The following DST variants were observed in gnomAD, a reference collection of about 807,000 sequenced individuals.
The protein encoded by DST is dystonin, also known as bullous pemphigoid antigen.
A neutral mutation model predicts 875.2 loss-of-function variants in DST; 253 were observed. The observed-to-expected ratio is 0.29, with a 90% confidence interval of 0.26 to 0.32. DST has a LOEUF of 0.32. Among genes scored for constraint, DST ranks in the 10% least tolerant of loss-of-function variants. The pLI is 1.00. For synonymous variants in DST, 3,124 were observed against 3,197.1 expected (o/e 0.98, Z 0.77); for missense variants, 8,287 against 9,111.6 (o/e 0.91, Z 3.68).
chr6:56,798,671 A>G (rs1244995557), intron 4 of DST, among the ~76,000 whole-genome samples: 1 of 152,218 alleles, frequency 6.6e-6, no homozygotes, highest in Admixed American at 6.5e-5. Flanking sequence ...TAAGAAATAC[A>G]TTTTGTAAGG....
rs114157214 is a variant in DST at position 56,651,795 on chromosome 6, C to T, written c.1215-551G>A. On this transcript the variant is annotated intron_variant, in intron 10 of 103. Transcript: ENST00000680361. ...GTCTCTGTTTCCTGAACTCATACTTCCAGCCTGCACCCCACGATATGGCAC... is the reference window on the plus strand; with the variant it reads ...GTCTCTGTTTCCTGAACTCATACTTTCAGCCTGCACCCCACGATATGGCAC... Among the ~76,000 whole-genome samples the T allele has an allele frequency of 1.7e-3, 266 of 152,294 alleles. 1 individual carries two copies. The highest frequency in any genetic ancestry group is 6.3e-3 in the African/African-American group (260 of 41,562).
intron 3 of DST, among the ~76,000 whole-genome samples, chr6:56,874,520 T>C (rs1778804059): frequency 6.6e-6 from 1 of 152,232 alleles, no homozygotes; most frequent in African/African-American, 2.4e-5. Context: ...CTCACAAAAC[T>C]TGTCAAAAAT....
chr6:56,938,269 G>A (rs1814297075), intron 2 of DST, among the ~76,000 whole-genome samples: 1 of 151,842 alleles, frequency 6.6e-6, no homozygotes. Flanking sequence ...TGAGTAACTG[G>A]GACAACAGGT....
At chr6:56,697,418 T>C (rs185216049) in intron 9 of DST, among the ~76,000 whole-genome samples, 1 of 152,288 alleles carries the variant, frequency 6.6e-6, no homozygotes, top group East Asian at 1.9e-4. Context: ...AAAATTTAAT[T>C]GAGCAAAAAA....
intron 2 of DST, among the ~76,000 whole-genome samples, chr6:56,906,370 G>C (rs1330104099): frequency 6.6e-6 from 1 of 152,164 alleles, no homozygotes; most frequent in Non-Finnish European, 1.5e-5. Context: ...TGCAGACATA[G>C]ACAAGCAAGC....
intron 15 of DST, among the ~76,000 whole-genome samples, chr6:56,645,384 G>A (rs763274707): frequency 1.2e-4 from 19 of 152,202 alleles, no homozygotes; most frequent in South Asian, 4.1e-4. Flanking sequence ...TTGTAGAAGC[G>A]TGGCAGAAAG....
chr6:56,764,643 G>A (rs987301025), intron 4 of DST, among the ~76,000 whole-genome samples: 6 of 152,036 alleles, frequency 3.9e-5, no homozygotes, highest in Non-Finnish European at 7.4e-5. Flanking sequence ...TAAAAAAGAA[G>A]GAGTGGGAAG....
intron 4 of DST, among the ~76,000 whole-genome samples, chr6:56,783,771 T>C (rs535986278): frequency 1.2e-3 from 176 of 152,338 alleles, no homozygotes; most frequent in African/African-American, 4.0e-3. Flanking sequence ...GTCATTATGA[T>C]GTTAGCTGGT....
intron 2 of DST, among the ~76,000 whole-genome samples, chr6:56,903,912 T>A (rs1366571308): frequency 6.6e-6 from 1 of 152,198 alleles, no homozygotes; most frequent in East Asian, 1.9e-4. Context: ...ATAAGCACTG[T>A]GGTATACTAC....
intron 54 of DST, 63 bp downstream of exon 54, chr6:56,569,793 T>C (rs2097754426): frequency 7.0e-7 from 1 of 1,420,958 alleles, no homozygotes; most frequent in Non-Finnish European, 9.8e-7. Context: ...AAACTACCAT[T>C]AGTCTTTTAA....
intron 89 of DST, 106 bp from the exon 90 acceptor site, chr6:56,482,284 A>C (rs2095428337): frequency 3.0e-6 from 4 of 1,317,320 alleles, no homozygotes; most frequent in Non-Finnish European, 4.0e-6. Context: ...GAAAAAAAAA[A>C]AGTTTTAAAT....
At chr6:56,527,806 T>C in intron 67 of DST, 72 bp from the exon 68 acceptor site, 1 of 1,438,126 alleles carries the variant, frequency 7.0e-7, no homozygotes, top group Middle Eastern at 2.2e-4. Context: ...TCAGATATTA[T>C]GGAACACTGA....
chr6:56,626,641 C>T (rs1167259110), intron 34 of DST, among the ~76,000 whole-genome samples: 1 of 152,138 alleles, frequency 6.6e-6, no homozygotes. Flanking sequence ...AGCAAAATTA[C>T]ATTTTTAGGA....
At chr6:56,494,466 T>C (rs534801662) in intron 82 of DST, among the ~76,000 whole-genome samples, 1 of 152,144 alleles carries the variant, frequency 6.6e-6, no homozygotes, top group Non-Finnish European at 1.5e-5. Context: ...AAGCTTTCAC[T>C]GTACAGTAAC....
At chr6:56,928,741 T>C (rs1701523408) in intron 2 of DST, among the ~76,000 whole-genome samples, 1 of 152,226 alleles carries the variant, frequency 6.6e-6, no homozygotes, top group African/African-American at 2.4e-5. Flanking sequence ...TAGCAGATTA[T>C]AAGATTAAGA....
chr6:56,868,184 A>G (rs1038375158), intron 3 of DST, among the ~76,000 whole-genome samples: 6 of 152,238 alleles, frequency 3.9e-5, no homozygotes, highest in African/African-American at 1.4e-4. Context: ...TTAAATGCTT[A>G]GCTAAACATG....
rs2099392937 is a variant in DST at position 56,715,889 on chromosome 6, A to T, written c.688-11520T>A. 2.0e-5 allele frequency among the ~76,000 whole-genome samples: 3 copies of T among 151,942 alleles called. No individual in the cohort carries two copies. The South Asian group carries it at 6.2e-4, about 32-fold the overall frequency. On this transcript the variant is annotated intron_variant, in intron 5 of 103. Coordinates refer to ENST00000680361, the MANE Select transcript of DST (RefSeq NM_001374736.1). The stretch of plus-strand genomic sequence containing the variant: ...TTATTGCCCCTCTAAAATTTCCTAT[A>T]CGCCCCCCTTCCCTCTCCCCTGTGA...
chr6:56,804,250 A>G (rs1353391971), intron 4 of DST, among the ~76,000 whole-genome samples: 3 of 152,200 alleles, frequency 2.0e-5, no homozygotes, highest in Non-Finnish European at 2.9e-5. Flanking sequence ...CTCTGCAATG[A>G]GAAGGATTTA....
At chr6:56,845,500 G>A (rs1352722539) in intron 4 of DST, among the ~76,000 whole-genome samples, 2 of 152,192 alleles carry the variant, frequency 1.3e-5, no homozygotes, top group African/African-American at 4.8e-5. Flanking sequence ...TATAATCTGA[G>A]TTTGAACCAC....
Sources: allele counts gnomAD v4.1 joint callset (sites outside exome capture counted in the v4.1 genomes callset), GRCh38; gene constraint gnomAD v4.1.1; transcripts MANE v1.5; gene names NCBI Gene and HGNC (gene_info 2026-07-23, HGNC 2026-07-21).